Variants in EXOC4 observed in about 807,000 individuals in gnomAD.
The protein encoded by EXOC4 is exocyst complex component 4.
In EXOC4, 71 loss-of-function variants were observed where a neutral mutation model predicts 107.2. The observed-to-expected ratio is 0.66, with a 90% CI of 0.55 to 0.81. EXOC4 has a LOEUF of 0.81. Among genes scored for constraint, EXOC4 ranks in the 30% least tolerant of loss-of-function variants. EXOC4 has a pLI of 0.00. For missense variants in EXOC4, 1,108 were observed against 1,189.6 expected, an observed-to-expected ratio of 0.93 and a Z score of 1.01; for synonymous variants, 456 against 441.2, an observed-to-expected ratio of 1.03 and a Z score of -0.42.
intron 10 of EXOC4, among the ~76,000 whole-genome samples, chr7:133,641,988 G>T (rs935352938): frequency 6.6e-6 from 1 of 152,136 alleles, no homozygotes; most frequent in Admixed American, 6.5e-5. Context: ...AACGTTGGAG[G>T]TCTGTCTGCT....
chr7:133,439,459 A>G (rs1798057414), intron 7 of EXOC4, among the ~76,000 whole-genome samples: 1 of 152,104 alleles, frequency 6.6e-6, no homozygotes, highest in Admixed American at 6.5e-5. Flanking sequence ...CTGGGGCTAC[A>G]GGTGTGAGCC....
chr7:134,022,479 GC>G (rs1795051148), intron 17 of EXOC4, among the ~76,000 whole-genome samples: 1 of 152,014 alleles, frequency 6.6e-6, no homozygotes, highest in East Asian at 1.9e-4. Context: ...GCATTTTAAG[GC>G]TCCTTCCACC....
intron 10 of EXOC4, among the ~76,000 whole-genome samples, chr7:133,658,676 G>A (rs866211385): frequency 3.9e-5 from 6 of 152,236 alleles, no homozygotes; most frequent in Middle Eastern, 3.4e-3. Context: ...GGAAAATTCC[G>A]ACAGGAAAGG....
At chr7:133,614,379 T>C (rs1463966877) in intron 9 of EXOC4, among the ~76,000 whole-genome samples, 1 of 152,144 alleles carries the variant, frequency 6.6e-6, no homozygotes, top group East Asian at 1.9e-4. Context: ...GGTGGTTCCA[T>C]TGATGCTTTG....
At chr7:133,813,640 A>G (rs1183826128) in intron 10 of EXOC4, among the ~76,000 whole-genome samples, 4 of 151,944 alleles carry the variant, frequency 2.6e-5, no homozygotes, top group African/African-American at 9.7e-5. Flanking sequence ...ATCTACTTTT[A>G]TTTCATTTTT....
intron 2 of EXOC4, among the ~76,000 whole-genome samples, chr7:133,285,827 A>G (rs1794263235): frequency 6.7e-6 from 1 of 150,218 alleles, no homozygotes; most frequent in African/African-American, 2.5e-5. Flanking sequence ...TGGCACTATC[A>G]TGCCTCTCTG....
At chr7:133,310,646 C>G (rs940766929) in intron 4 of EXOC4, among the ~76,000 whole-genome samples, 1 of 152,202 alleles carries the variant, frequency 6.6e-6, no homozygotes, top group Non-Finnish European at 1.5e-5. Flanking sequence ...CAGTCTTAGA[C>G]AAGCCACAGG....
intron 9 of EXOC4, among the ~76,000 whole-genome samples, chr7:133,481,292 A>G (rs1188234865): frequency 6.6e-6 from 1 of 152,194 alleles, no homozygotes; most frequent in Non-Finnish European, 1.5e-5. Context: ...AGTGGGTGGT[A>G]TGGATAAATT....
chr7:133,967,482 T>C (rs1801098502), intron 14 of EXOC4, among the ~76,000 whole-genome samples: 1 of 152,234 alleles, frequency 6.6e-6, no homozygotes. Flanking sequence ...CAAATTTCCC[T>C]CTAAACACTG....
intron 5 of EXOC4, among the ~76,000 whole-genome samples, chr7:133,349,889 A>G (rs1393334072): frequency 2.6e-5 from 4 of 151,716 alleles, no homozygotes; most frequent in Non-Finnish European, 4.4e-5. Flanking sequence ...CAATGAGTGT[A>G]GGGTGGCATC....
chr7:133,731,395 C>G (rs978193444), intron 10 of EXOC4, among the ~76,000 whole-genome samples: 18 of 151,886 alleles, frequency 1.2e-4, no homozygotes, highest in Non-Finnish European at 2.9e-5. Flanking sequence ...AATGAATATC[C>G]CATATCTTTG....
At chr7:133,711,174 A>T (rs1794885437) in intron 10 of EXOC4, among the ~76,000 whole-genome samples, 1 of 152,246 alleles carries the variant, frequency 6.6e-6, no homozygotes, top group Non-Finnish European at 1.5e-5. Flanking sequence ...ATGCTCAATT[A>T]TTCACCCTAC....
intron 7 of EXOC4, among the ~76,000 whole-genome samples, chr7:133,421,868 C>A (rs1797615401): frequency 6.6e-6 from 1 of 152,052 alleles, no homozygotes; most frequent in African/African-American, 2.4e-5. Context: ...AGTCATTGAG[C>A]ATTTTTTCAG....
chr7:133,626,055 A>T (rs1046370200), intron 9 of EXOC4, among the ~76,000 whole-genome samples: 13 of 152,058 alleles, frequency 8.5e-5, no homozygotes, highest in African/African-American at 3.1e-4. Context: ...AAAAATACAA[A>T]AATTAGCTAA....
intron 10 of EXOC4, among the ~76,000 whole-genome samples, chr7:133,785,015 T>C (rs993321071): frequency 6.6e-6 from 1 of 152,164 alleles, no homozygotes; most frequent in African/African-American, 2.4e-5. Flanking sequence ...ATGGTTTGCA[T>C]GAGACCAAGG....
chr7:133,725,779 C>T (rs1188362809), intron 10 of EXOC4, among the ~76,000 whole-genome samples: 1 of 152,160 alleles, frequency 6.6e-6, no homozygotes, highest in Non-Finnish European at 1.5e-5. Context: ...TTTATTCATT[C>T]ATTGGTCAGA....
chr7:133,846,874 A>G (rs1286597122), intron 11 of EXOC4, among the ~76,000 whole-genome samples: 1 of 152,254 alleles, frequency 6.6e-6, no homozygotes, highest in Admixed American at 6.5e-5. Context: ...TGAGACCCAT[A>G]TAATCACAGA....
At chr7:133,515,541 T>G (rs895694633) in intron 9 of EXOC4, among the ~76,000 whole-genome samples, 2 of 152,108 alleles carry the variant, frequency 1.3e-5, no homozygotes, top group Non-Finnish European at 1.5e-5. Flanking sequence ...AGGTCATAGA[T>G]TACTGCAGGG....
At chr7:133,341,499 A>G (rs1009730507) in intron 5 of EXOC4, among the ~76,000 whole-genome samples, 2 of 152,148 alleles carry the variant, frequency 1.3e-5, no homozygotes, top group Non-Finnish European at 2.9e-5. Flanking sequence ...AATAGAATGT[A>G]TATTCTGCAG....
Sources: gnomAD v4.1 joint callset for allele counts (sites outside exome capture counted in the v4.1 genomes callset) on GRCh38, gnomAD v4.1.1 for gene constraint, MANE v1.5 for transcripts, NCBI Gene and HGNC (gene_info 2026-07-23, HGNC 2026-07-21) for gene names.